Variants in TPRG1 observed in about 807,000 individuals in gnomAD.
TPRG1 encodes the protein tumor protein p63 regulated 1.
In TPRG1, 29 loss-of-function variants were observed where a neutral mutation model predicts 29.3. The ratio of observed to expected loss-of-function variants is 0.99; its 90% CI spans 0.74 to 1.35. The LOEUF is 1.35. Among genes scored for constraint, TPRG1 ranks in the 40% most tolerant of loss-of-function variants. The pLI is 0.00. For missense variants in TPRG1, 327 were observed against 335.0 expected, an observed-to-expected ratio of 0.98 and a Z score of 0.19; for synonymous variants, 130 against 116.8, an observed-to-expected ratio of 1.11 and a Z score of -0.73.
chr3:189,211,476 A>G (rs867300825), intron 2 of TPRG1, among the ~76,000 whole-genome samples: 4 of 152,316 alleles, frequency 2.6e-5, no homozygotes, highest in Non-Finnish European at 4.4e-5. Flanking sequence ...TCATAACCTC[A>G]TATATTAGAC....
At chr3:189,087,987 C>A (rs576099396) in intron 4 of TPRG1, among the ~76,000 whole-genome samples, 1 of 151,446 alleles carries the variant, frequency 6.6e-6, no homozygotes, top group Non-Finnish European at 1.5e-5. Context: ...CTTGGCAATG[C>A]GGGATTTTTT....
At chr3:189,099,632 C>G (rs1465172075), upstream of TPRG1, among the ~76,000 whole-genome samples, 2 of 152,086 alleles carry the variant, frequency 1.3e-5, no homozygotes, top group Non-Finnish European at 1.5e-5. Context: ...GGTCTCATAG[C>G]TGGATAAAAG....
intron 1 of TPRG1, among the ~76,000 whole-genome samples, chr3:189,203,784 A>G (rs1302380902): frequency 6.6e-6 from 1 of 152,146 alleles, no homozygotes; most frequent in Non-Finnish European, 1.5e-5. Flanking sequence ...GCTCATGCCT[A>G]TAATCCCAGG....
chr3:189,229,272 T>A (rs1430775226), intron 3 of TPRG1, among the ~76,000 whole-genome samples: 1 of 151,970 alleles, frequency 6.6e-6, no homozygotes, highest in African/African-American at 2.4e-5. Flanking sequence ...ACACATTTAT[T>A]TTAAAATTTG....
chr3:189,009,091 A>G (rs1328931856), intron 3 of TPRG1, among the ~76,000 whole-genome samples: 1 of 152,134 alleles, frequency 6.6e-6, no homozygotes, highest in African/African-American at 2.4e-5. Flanking sequence ...CCCAGCACAG[A>G]GTAGGCCTAC....
At position 189,320,833 on chromosome 3, in the gene TPRG1, T is replaced by G. The variant is rs921193885; in HGVS notation, c.*13T>G. 3.2e-6 allele frequency: 5 copies of G among 1,545,280 alleles called. No individual in the cohort carries two copies. The African/African-American group carries it at 6.9e-5, about 21-fold the overall frequency. On this transcript the variant is annotated 3_prime_UTR_variant, in exon 6 of 6. Coordinates refer to ENST00000345063, the MANE Select transcript of TPRG1 (RefSeq NM_198485.4). The stretch of plus-strand genomic sequence containing the variant: ...TATTGGTTTTTGAGAGTCTTTTTGG[T>G]ACCATAAGCATATCATCCACAGATA...
chr3:189,231,284 A>ATATATATATATG (rs1264703207), intron 3 of TPRG1, among the ~76,000 whole-genome samples: 2 of 150,088 alleles, frequency 1.3e-5, no homozygotes, highest in Non-Finnish European at 3.0e-5. Flanking sequence ...ATATATATAT[A>ATATATATATATG]TGCACACACA....
intron 2 of TPRG1, among the ~76,000 whole-genome samples, chr3:189,212,745 AC>A (rs566091217): frequency 2.0e-5 from 3 of 152,222 alleles, no homozygotes; most frequent in African/African-American, 7.2e-5. Flanking sequence ...GACAAGAGAG[AC>A]CCAAGTGTCT....
chr3:189,206,047 T>TTCCTTC (rs1216401377), intron 1 of TPRG1, among the ~76,000 whole-genome samples: 73 of 53,712 alleles, frequency 1.4e-3, no homozygotes, highest in African/African-American at 7.3e-3. Context: ...TTCCTTCCTT[T>TTCCTTC]CTTCTGTCTT....
intron 5 of TPRG1, among the ~76,000 whole-genome samples, chr3:189,165,976 A>G (rs1254166118): frequency 6.6e-6 from 1 of 152,176 alleles, no homozygotes; most frequent in Non-Finnish European, 1.5e-5. Flanking sequence ...GGCTCTCTGG[A>G]AACCCAGAGA....
upstream of TPRG1, among the ~76,000 whole-genome samples, chr3:189,097,654 T>TAA (rs575929482): frequency 1.2e-3 from 183 of 152,248 alleles, no homozygotes; most frequent in Admixed American, 1.2e-3. Context: ...TTTCTTTTAA[T>TAA]AGTTGTTCAT....
At chr3:189,015,545 C>T (rs1034235447) in intron 3 of TPRG1, among the ~76,000 whole-genome samples, 6 of 152,202 alleles carry the variant, frequency 3.9e-5, no homozygotes, top group African/African-American at 1.4e-4. Context: ...CAGTGCATGT[C>T]ACAGACCTTC....
At chr3:189,274,900 A>T (rs1459873385) in intron 4 of TPRG1, among the ~76,000 whole-genome samples, 1 of 150,882 alleles carries the variant, frequency 6.6e-6, no homozygotes, top group African/African-American at 2.4e-5. Context: ...AAGAATCACT[A>T]AGTTTTCCCA....
intron 3 of TPRG1, among the ~76,000 whole-genome samples, chr3:189,136,982 A>G (rs1276297030): frequency 6.6e-6 from 1 of 152,018 alleles, no homozygotes; most frequent in Non-Finnish European, 1.5e-5. Context: ...AATGGACATG[A>G]CCCCTGTCCT....
chr3:189,197,512 G>A (rs958573999), intron 1 of TPRG1, among the ~76,000 whole-genome samples: 7 of 152,158 alleles, frequency 4.6e-5, no homozygotes, highest in Admixed American at 4.6e-4. Flanking sequence ...TCAGGGTCAG[G>A]CCAGTTGCAA....
intron 4 of TPRG1, among the ~76,000 whole-genome samples, chr3:189,297,757 C>T (rs986256187): frequency 6.6e-5 from 10 of 152,242 alleles, no homozygotes; most frequent in Admixed American, 4.6e-4. Context: ...GGCTGTCCTT[C>T]AAAGAGCATA....
chr3:189,173,339 C>CTTTTTTTTTTTTTTT (rs549433698), intron 1 of TPRG1, among the ~76,000 whole-genome samples: 1 of 130,326 alleles, frequency 7.7e-6, no homozygotes. Flanking sequence ...TTCTTTTCTT[C>CTTTTTTTTTTTTTTT]TTCTTTTTTT....
chr3:189,116,566 C>T (rs1721201817), intron 1 of TPRG1, among the ~76,000 whole-genome samples: 1 of 152,092 alleles, frequency 6.6e-6, no homozygotes, highest in South Asian at 2.1e-4. Context: ...GACAGATAAA[C>T]AATATGTAGT....
Position 189,272,609 on chromosome 3 carries a change from CTTCTCTTCT to C in TPRG1, c.479+33705_479+33713del, listed in dbSNP as rs368170064. Reference sequence around the variant, plus strand: ...AGACTTCTTCTGCCAAGTCTCTTCTCTTCTCTTCTTTCTTTCTTTATCTTTCTCTCTCTC... The same window carrying C: ...AGACTTCTTCTGCCAAGTCTCTTCTCTTCTTTCTTTATCTTTCTCTCTCTC... On this transcript the variant is annotated intron_variant, in intron 4 of 5. Coordinates refer to ENST00000345063, the MANE Select transcript of TPRG1 (RefSeq NM_198485.4). Among the ~76,000 whole-genome samples, 616 of 152,160 alleles carry C rather than the reference CTTCTCTTCT, an allele frequency of 4.0e-3. 2 individuals are homozygous for C. Among genetic ancestry groups the C allele is most frequent in the African/African-American group, 0.014 (597 of 41,530 alleles).
Sources: gnomAD v4.1 joint callset for allele counts (sites outside exome capture counted in the v4.1 genomes callset) on GRCh38, gnomAD v4.1.1 for gene constraint, MANE v1.5 for transcripts, NCBI Gene and HGNC (gene_info 2026-07-23, HGNC 2026-07-21) for gene names.